PRKAR2A: variants seen among roughly 807,000 people sequenced by gnomAD.
PRKAR2A encodes cAMP-dependent protein kinase type II-alpha regulatory subunit.
PRKAR2A carries 29 observed loss-of-function variants against 51.9 expected under a neutral mutation model. The ratio of observed to expected loss-of-function variants is 0.56; its 90% CI spans 0.42 to 0.76. PRKAR2A has a LOEUF of 0.76. Among genes scored for constraint, PRKAR2A ranks in the 30% least tolerant of loss-of-function variants. The probability of loss-of-function intolerance (pLI) is 0.00; values close to 1 mark genes in which losing one functional copy is unlikely to be tolerated. For synonymous variants in PRKAR2A, 178 were observed against 186.2 expected, an observed-to-expected ratio of 0.96 and a Z score of 0.36; for missense variants, 445 against 512.1, an observed-to-expected ratio of 0.87 and a Z score of 1.26.
intron 1 of PRKAR2A, among the ~76,000 whole-genome samples, chr3:48,839,249 T>C (rs930842815): frequency 3.3e-5 from 5 of 151,348 alleles, no homozygotes; most frequent in African/African-American, 9.7e-5. Context: ...GATCACATCA[T>C]TGCATTCCAG....
intron 5 of PRKAR2A, among the ~76,000 whole-genome samples, chr3:48,775,902 G>A (rs893200915): frequency 3.3e-5 from 5 of 152,114 alleles, no homozygotes; most frequent in Non-Finnish European, 5.9e-5. Context: ...GAGGTCAGGA[G>A]TTCGAGACCA....
At chr3:48,833,577 A>ACT (rs2083230247) in intron 1 of PRKAR2A, among the ~76,000 whole-genome samples, 4 of 150,226 alleles carry the variant, frequency 2.7e-5, no homozygotes, top group African/African-American at 7.4e-5. Flanking sequence ...ATGTGGTGTC[A>ACT]GGCACCTGTG....
chr3:48,836,893 A>C (rs2083295943), intron 1 of PRKAR2A, among the ~76,000 whole-genome samples: 1 of 151,936 alleles, frequency 6.6e-6, no homozygotes, highest in Non-Finnish European at 1.5e-5. Context: ...GCACTTTGGG[A>C]GATGAGGCGA....
chr3:48,801,115 G>C (rs540246912), intron 2 of PRKAR2A, among the ~76,000 whole-genome samples: 1 of 152,320 alleles, frequency 6.6e-6, no homozygotes, highest in East Asian at 1.9e-4. Context: ...AAGTAGCTGG[G>C]ATTACAGGCG....
At chr3:48,794,771 T>C (rs1186383264) in intron 2 of PRKAR2A, among the ~76,000 whole-genome samples, 1 of 152,118 alleles carries the variant, frequency 6.6e-6, no homozygotes, top group African/African-American at 2.4e-5. Context: ...ATATATGGCA[T>C]GCTATCCCTT....
intron 1 of PRKAR2A, among the ~76,000 whole-genome samples, chr3:48,838,607 T>TA (rs34585229): frequency 4.1e-4 from 60 of 145,170 alleles, no homozygotes; most frequent in East Asian, 2.8e-3. Context: ...ACTCCATCTT[T>TA]AAAAAAAAAA....
intron 1 of PRKAR2A, among the ~76,000 whole-genome samples, chr3:48,814,054 A>G (rs935827085): frequency 3.9e-5 from 6 of 152,024 alleles, no homozygotes; most frequent in Admixed American, 6.6e-5. Flanking sequence ...TGGAGACCAT[A>G]CTGGCCAACA....
At chr3:48,770,959 C>T (rs2082020589) in intron 6 of PRKAR2A, among the ~76,000 whole-genome samples, 1 of 152,220 alleles carries the variant, frequency 6.6e-6, no homozygotes, top group Non-Finnish European at 1.5e-5. Flanking sequence ...GGTGCGGTGG[C>T]TCTTGCCTGT....
chr3:48,836,476 TAAA>T (rs59774827), intron 1 of PRKAR2A, among the ~76,000 whole-genome samples: 4 of 121,874 alleles, frequency 3.3e-5, no homozygotes, highest in Admixed American at 1.7e-4. Flanking sequence ...ATATATATAT[TAAA>T]AAAAAAAAAC....
intron 5 of PRKAR2A, among the ~76,000 whole-genome samples, chr3:48,774,198 T>C (rs748940407): frequency 1.1e-4 from 16 of 152,118 alleles, no homozygotes; most frequent in Non-Finnish European, 1.6e-4. Flanking sequence ...TGAGTGTTTG[T>C]TGCATGCATA....
intron 1 of PRKAR2A, among the ~76,000 whole-genome samples, chr3:48,842,401 T>G (rs1260940152): frequency 6.6e-6 from 1 of 152,164 alleles, no homozygotes; most frequent in Admixed American, 6.5e-5. Flanking sequence ...TGAATAGCCT[T>G]TATTTCCTTC....
At chr3:48,770,877 G>A (rs1242664016) in intron 6 of PRKAR2A, among the ~76,000 whole-genome samples, 1 of 152,146 alleles carries the variant, frequency 6.6e-6, no homozygotes, top group African/African-American at 2.4e-5. Flanking sequence ...TGGTTTTACA[G>A]CTCAATATAC....
intron 4 of PRKAR2A, among the ~76,000 whole-genome samples, chr3:48,786,132 T>G (rs1231599821): frequency 6.6e-6 from 1 of 150,382 alleles, no homozygotes; most frequent in Non-Finnish European, 1.5e-5. Flanking sequence ...TTTTTTGTTT[T>G]TTTTTTTTTT....
At chr3:48,821,689 G>A (rs1203816070) in intron 1 of PRKAR2A, among the ~76,000 whole-genome samples, 16 of 151,978 alleles carry the variant, frequency 1.1e-4, no homozygotes, top group Admixed American at 9.2e-4. Flanking sequence ...AGGCCGAGGC[G>A]GGCGGATCGC....
At chr3:48,834,056 A>G (rs1285405544) in intron 1 of PRKAR2A, among the ~76,000 whole-genome samples, 1 of 151,892 alleles carries the variant, frequency 6.6e-6, no homozygotes, top group Non-Finnish European at 1.5e-5. Context: ...AAAAAGAAAA[A>G]AAAGAAAAAG....
Position 48,751,477 on chromosome 3 carries a change from T to C in PRKAR2A, c.*108A>G. 6.6e-7 allele frequency: 1 copy of C among 1,512,522 alleles called. No homozygotes were observed. The allele number at this position is 1,512,522 out of a possible 1,614,324, so 93.7% of individuals were successfully genotyped here. On this transcript the variant is annotated 3_prime_UTR_variant, in exon 11 of 11. Transcript: ENST00000265563. ...CCCATAACCACAGCAATGGCAGCAG[T>C]GGCGGCAACGGCAGGAACAGTTCTG...
intron 8 of PRKAR2A, among the ~76,000 whole-genome samples, chr3:48,757,921 T>C (rs925348444): frequency 1.3e-5 from 2 of 152,030 alleles, no homozygotes; most frequent in African/African-American, 4.8e-5. Context: ...CCAGGTGTGG[T>C]GATGCATGCC....
intron 9 of PRKAR2A, among the ~76,000 whole-genome samples, chr3:48,756,003 A>G (rs2081757715): frequency 6.6e-6 from 1 of 151,368 alleles, no homozygotes. Flanking sequence ...GATGGTTTCA[A>G]TCTCCTGATC....
At chr3:48,792,150 T>C (rs1010116747) in intron 3 of PRKAR2A, among the ~76,000 whole-genome samples, 1 of 147,894 alleles carries the variant, frequency 6.8e-6, no homozygotes, top group Non-Finnish European at 1.5e-5. Flanking sequence ...AAAGTTTTGG[T>C]TTTTTTTTTG....
Sources: allele counts gnomAD v4.1 joint callset (sites outside exome capture counted in the v4.1 genomes callset), GRCh38; gene constraint gnomAD v4.1.1; transcripts MANE v1.5; gene names NCBI Gene and HGNC (gene_info 2026-07-23, HGNC 2026-07-21).